The following KCNC2 variants were observed in gnomAD, a reference collection of about 807,000 sequenced individuals.
KCNC2 encodes voltage-gated potassium channel KCNC2.
Under a neutral mutation model 44.5 loss-of-function variants are expected in KCNC2, and 21 were observed. The ratio of observed to expected loss-of-function variants is 0.47; its 90% CI spans 0.33 to 0.68. The LOEUF is 0.68. KCNC2 is among the 30% of genes least tolerant of loss of function. The probability of loss-of-function intolerance (pLI) is 0.01; values close to 1 mark genes in which losing one functional copy is unlikely to be tolerated. For synonymous variants in KCNC2, 391 were observed against 339.1 expected, an observed-to-expected ratio of 1.15 and a Z score of -1.68; for missense variants, 589 against 826.2, an observed-to-expected ratio of 0.71 and a Z score of 3.52.
intron 2 of KCNC2, among the ~76,000 whole-genome samples, chr12:75,162,381 G>T (rs758689195): frequency 6.6e-6 from 1 of 151,710 alleles, no homozygotes. Context: ...ACCTAATCAT[G>T]ACTTCATTCT....
intron 2 of KCNC2, among the ~76,000 whole-genome samples, chr12:75,065,791 G>C (rs988436509): frequency 6.6e-6 from 1 of 152,034 alleles, no homozygotes; most frequent in Non-Finnish European, 1.5e-5. Context: ...CCCTATCCCT[G>C]TTGTTAAGCA....
chr12:75,201,465 T>A (rs1409767666), intron 2 of KCNC2, among the ~76,000 whole-genome samples: 1 of 151,626 alleles, frequency 6.6e-6, no homozygotes, highest in Non-Finnish European at 1.5e-5. Flanking sequence ...CAATGTGTCA[T>A]CTCAATGTTT....
intron 2 of KCNC2, among the ~76,000 whole-genome samples, chr12:75,161,307 A>G (rs1891110604): frequency 6.6e-6 from 1 of 151,722 alleles, no homozygotes; most frequent in East Asian, 1.9e-4. Context: ...ATACACTTTT[A>G]AAATATAAAT....
chr12:75,147,598 A>G lies in KCNC2; in HGVS notation c.687+59699T>C, dbSNP rs559862180. On this transcript the variant is annotated intron_variant, in intron 2 of 4. Coordinates refer to ENST00000549446, the MANE Select transcript of KCNC2 (RefSeq NM_139137.4). The stretch of plus-strand genomic sequence containing the variant: ...TTACATAATTAAATTTGGACCTGGA[A>G]TTTTAGTTAAAACTTAAATAAATAG... 4.6e-5 allele frequency among the ~76,000 whole-genome samples: 7 copies of G among 152,328 alleles called. No homozygotes were observed. The East Asian group carries it at 9.6e-4, about 21-fold the overall frequency.
intron 2 of KCNC2, among the ~76,000 whole-genome samples, chr12:75,120,909 C>G (rs959499994): frequency 2.0e-5 from 3 of 152,080 alleles, no homozygotes; most frequent in Non-Finnish European, 4.4e-5. Flanking sequence ...AAGACTTAAC[C>G]CTATACATTT....
chr12:75,154,306 T>C (rs995347104), intron 2 of KCNC2, among the ~76,000 whole-genome samples: 1 of 151,998 alleles, frequency 6.6e-6, no homozygotes, highest in Non-Finnish European at 1.5e-5. Context: ...GCATTTGAAA[T>C]ACTGGCATCT....
intron 2 of KCNC2, among the ~76,000 whole-genome samples, chr12:75,056,762 A>G (rs1056030811): frequency 2.6e-5 from 4 of 152,094 alleles, no homozygotes; most frequent in African/African-American, 9.6e-5. Flanking sequence ...CTCTGAATTG[A>G]TGGTATGTCT....
At chr12:75,098,584 C>T (rs1886123404) in intron 2 of KCNC2, among the ~76,000 whole-genome samples, 1 of 151,914 alleles carries the variant, frequency 6.6e-6, no homozygotes, top group African/African-American at 2.4e-5. Context: ...CATGGTGAAA[C>T]CCCATTTCTA....
chr12:75,133,698 T>C (rs1334073660), intron 2 of KCNC2, among the ~76,000 whole-genome samples: 1 of 151,918 alleles, frequency 6.6e-6, no homozygotes, highest in African/African-American at 2.4e-5. Flanking sequence ...CTGATATAGT[T>C]TTTGAAATTT....
intron 2 of KCNC2, among the ~76,000 whole-genome samples, chr12:75,053,599 T>C (rs753789312): frequency 2.0e-5 from 3 of 151,938 alleles, no homozygotes; most frequent in Non-Finnish European, 4.4e-5. Context: ...CATGATTTTG[T>C]ATTTGTATTA....
At chr12:75,098,529 C>A (rs573194434) in intron 2 of KCNC2, among the ~76,000 whole-genome samples, 1 of 152,214 alleles carries the variant, frequency 6.6e-6, no homozygotes, top group South Asian at 2.1e-4. Context: ...GAGGCCAAGG[C>A]TGGTGGATCA....
chr12:75,061,605 ACACACAC>A (rs1260709523), intron 2 of KCNC2, among the ~76,000 whole-genome samples: 23 of 144,754 alleles, frequency 1.6e-4, no homozygotes, highest in Non-Finnish European at 3.0e-4. Context: ...ACACACACAC[ACACACAC>A]AAAACACAGA....
At chr12:75,150,642 A>G (rs796595526) in intron 2 of KCNC2, among the ~76,000 whole-genome samples, 55 of 152,068 alleles carry the variant, frequency 3.6e-4, no homozygotes, top group African/African-American at 1.2e-3. Context: ...TCAAAGCAAG[A>G]ACATCTCAAA....
At chr12:75,050,234 A>G (rs566949239) in intron 3 of KCNC2, among the ~76,000 whole-genome samples, 156 bp downstream of exon 3, 1 of 151,884 alleles carries the variant, frequency 6.6e-6, no homozygotes, top group African/African-American at 2.4e-5. Context: ...GCTACAGTCT[A>G]GCTATCTACA....
chr12:75,110,558 G>A (rs946606838), intron 2 of KCNC2, among the ~76,000 whole-genome samples: 1 of 152,050 alleles, frequency 6.6e-6, no homozygotes, highest in East Asian at 1.9e-4. Context: ...GACCAGGACC[G>A]GAGATCTTGG....
intron 2 of KCNC2, among the ~76,000 whole-genome samples, chr12:75,200,115 A>G (rs2031113889): frequency 6.6e-6 from 1 of 151,874 alleles, no homozygotes; most frequent in South Asian, 2.1e-4. Context: ...ATTGTTGAAC[A>G]ATAAGACATG....
Position 75,065,503 on chromosome 12 carries a change from T to C in KCNC2, c.688-14186A>G, listed in dbSNP as rs150364099. Reference sequence around the variant, plus strand: ...TGATATTTCAGTCAATAATGGATCGTATATACCATAGTGTTGTCATGAGAT... The same window carrying C: ...TGATATTTCAGTCAATAATGGATCGCATATACCATAGTGTTGTCATGAGAT... On this transcript the variant is annotated intron_variant, in intron 2 of 4. Coordinates refer to ENST00000549446, the MANE Select transcript of KCNC2 (RefSeq NM_139137.4). Among the ~76,000 whole-genome samples, 334 of 152,246 alleles carry C rather than the reference T, an allele frequency of 2.2e-3. 2 individuals carry two copies. Among genetic ancestry groups the C allele is most frequent in the African/African-American group, 7.2e-3 (298 of 41,578 alleles).
intron 2 of KCNC2, among the ~76,000 whole-genome samples, chr12:75,149,486 C>T (rs1334618394): frequency 6.6e-6 from 1 of 151,754 alleles, no homozygotes; most frequent in African/African-American, 2.4e-5. Context: ...AAGCTGAAAT[C>T]CTCATCTGTA....
intron 2 of KCNC2, among the ~76,000 whole-genome samples, chr12:75,157,072 T>A (rs753512048): frequency 6.6e-6 from 1 of 151,884 alleles, no homozygotes; most frequent in Non-Finnish European, 1.5e-5. Context: ...TTACAAATAG[T>A]CATTCTCCCT....
Sources: allele counts gnomAD v4.1 joint callset (sites outside exome capture counted in the v4.1 genomes callset), GRCh38; gene constraint gnomAD v4.1.1; transcripts MANE v1.5; gene names NCBI Gene and HGNC (gene_info 2026-07-23, HGNC 2026-07-21).